AMN1: variants seen among roughly 807,000 people sequenced by gnomAD.
AMN1 encodes antagonist of mitotic exit network 1 homolog.
AMN1 carries 20 observed loss-of-function variants against 33.0 expected under a neutral mutation model. That is an observed-to-expected ratio of 0.61 (90% CI 0.43 to 0.88). The LOEUF (loss-of-function observed/expected upper bound fraction) is 0.88, where lower values mean the gene tolerates loss of function less well. Among genes scored for constraint, AMN1 ranks in the 40% least tolerant of loss-of-function variants. The pLI, the probability that AMN1 is intolerant of heterozygous loss-of-function variation, is 0.00. For missense variants in AMN1, 246 were observed against 307.4 expected, an observed-to-expected ratio of 0.80 and a Z score of 1.49; for synonymous variants, 114 against 111.9, an observed-to-expected ratio of 1.02 and a Z score of -0.12.
At position 31,701,965 on chromosome 12, in the gene AMN1, C is replaced by T. The variant is rs755338140; in HGVS notation, c.214G>A (p.Asp72Asn). The T allele has an allele frequency of 8.1e-6, 13 of 1,608,620 alleles. No individual in the cohort carries two copies. Among genetic ancestry groups the T allele is most frequent in the Admixed American group, 5.1e-5 (3 of 58,678 alleles). ...EVQTLDLRSC[D>N]ISDAALLHLS... ...TGCAGGAGAGCAGCATCTGATATAT[C>T]GCAGCTCCGTAGATCTAGAGTTTGG... Residue 72 changes from aspartate (D) to asparagine (N), a missense_variant, in exon 3 of 7, where the codon GAT becomes AAT. Transcript: ENST00000281471.
intron 1 of AMN1, among the ~76,000 whole-genome samples, chr12:31,718,020 G>A (rs1366905093): frequency 2.0e-5 from 3 of 152,112 alleles, no homozygotes; most frequent in East Asian, 3.9e-4. Context: ...GTTTTCCAAC[G>A]TGGTTCCATT....
chr12:31,677,829 AAAACCTAC>A (rs1937802373), intron 6 of AMN1, among the ~76,000 whole-genome samples: 1 of 152,216 alleles, frequency 6.6e-6, no homozygotes, highest in Non-Finnish European at 1.5e-5. Context: ...AGGAAGACAT[AAAACCTAC>A]AAATATTACT....
intron 6 of AMN1, among the ~76,000 whole-genome samples, chr12:31,680,612 T>C (rs1175108033): frequency 6.6e-6 from 1 of 152,212 alleles, no homozygotes; most frequent in South Asian, 2.1e-4. Flanking sequence ...TGTGAAGTTA[T>C]GTTTTATTCT....
At position 31,683,762 on chromosome 12, in the gene AMN1, C is replaced by G. The variant is rs964276426; in HGVS notation, c.703+5245G>C. On this transcript the variant is annotated intron_variant, in intron 6 of 6. Coordinates refer to ENST00000281471, the MANE Select transcript of AMN1 (RefSeq NM_001113402.2). The surrounding 1 kb of genome is among the most constrained non-coding windows in gnomAD (Gnocchi z 4.1). ...TCTTTTTCTTTATAAGTTACCCAGTCTTGGGTATGTCTGTATCAGCAGTGT... is the reference window on the plus strand; with the variant it reads ...TCTTTTTCTTTATAAGTTACCCAGTGTTGGGTATGTCTGTATCAGCAGTGT... Among the ~76,000 whole-genome samples, 7 of 152,132 alleles carry G rather than the reference C, an allele frequency of 4.6e-5. No homozygotes were observed. Among genetic ancestry groups the G allele is most frequent in the African/African-American group, 1.7e-4 (7 of 41,430 alleles).
chr12:31,715,584 C>T (rs1260471167), intron 1 of AMN1: 4 of 159,836 alleles, frequency 2.5e-5, no homozygotes. Context: ...TTCAAGGCCT[C>T]AGCTTCGCAG....
intron 1 of AMN1, among the ~76,000 whole-genome samples, chr12:31,717,207 C>T (rs535803901): frequency 5.3e-5 from 8 of 152,206 alleles, no homozygotes; most frequent in African/African-American, 1.9e-4. Flanking sequence ...GTTTGGTTTT[C>T]TGTTCCTGTG....
rs1013177256 is a variant in AMN1 at position 31,712,899 on chromosome 12, ACGCCTCGGCC to A, written c.39-3484_39-3475del. ...TCAAACTCCTGACCTCGTGATCCAC[ACGCCTCGGCC>A]TCCCAAAGTGTTGGGATTACAGGTG... On this transcript the variant is annotated intron_variant, in intron 1 of 6. Transcript: ENST00000281471. Among the ~76,000 whole-genome samples the A allele has an allele frequency of 8.4e-3, 1,274 of 151,716 alleles. 18 individuals carry two copies. The highest frequency in any genetic ancestry group is 0.029 in the African/African-American group (1,202 of 41,384).
In AMN1 at chr12:31,685,592, G is replaced by A. The variant is rs551212897; in HGVS notation, c.703+3415C>T. ...AAGGCGGGCAGATCACCTGAGGTCA[G>A]GAGTTCGACAACAGCCTGGCCAACA... is the stretch of plus-strand genomic sequence containing the variant. On this transcript the variant is annotated intron_variant, in intron 6 of 6. Coordinates refer to ENST00000281471, the MANE Select transcript of AMN1 (RefSeq NM_001113402.2). 2.6e-4 allele frequency among the ~76,000 whole-genome samples: 40 copies of A among 152,124 alleles called. 1 individual carries two copies. The South Asian group carries it at 8.3e-3, about 32-fold the overall frequency.
intron 1 of AMN1, among the ~76,000 whole-genome samples, chr12:31,716,172 C>CTA (rs1315414599): frequency 1.3e-5 from 2 of 152,184 alleles, no homozygotes; most frequent in African/African-American, 4.8e-5. Context: ...TTACATGTAG[C>CTA]TATAGATTAT....
intron 1 of AMN1, among the ~76,000 whole-genome samples, chr12:31,719,698 T>A (rs748095670): frequency 9.2e-5 from 14 of 152,166 alleles, no homozygotes; most frequent in Non-Finnish European, 1.6e-4. Context: ...TTTGGCCTTA[T>A]CTAGTAAAGC....
chr12:31,705,524 G>A (rs1402107682), intron 2 of AMN1, among the ~76,000 whole-genome samples: 5 of 151,816 alleles, frequency 3.3e-5, no homozygotes, highest in Admixed American at 1.3e-4. Context: ...AAAAACCACA[G>A]AAAAACATAT....
At chr12:31,703,523 T>G (rs1939096888) in intron 2 of AMN1, among the ~76,000 whole-genome samples, 2 of 152,188 alleles carry the variant, frequency 1.3e-5, no homozygotes, top group African/African-American at 4.8e-5. Context: ...AGCGATTGGC[T>G]CCCACTTATA....
At chr12:31,719,864 G>A (rs2139727666) in intron 1 of AMN1, among the ~76,000 whole-genome samples, 1 of 152,282 alleles carries the variant, frequency 6.6e-6, no homozygotes. Flanking sequence ...ACCATCCACA[G>A]TAAATAGAAT....
chr12:31,701,742 A>G (rs1269631478), intron 3 of AMN1, 121 bp downstream of exon 3: 1 of 848,792 alleles, frequency 1.2e-6, no homozygotes, highest in Non-Finnish European at 1.7e-6. Context: ...TTACTGATAA[A>G]TATAATTCAT....
chr12:31,672,377 T>A lies in AMN1; in HGVS notation c.704A>T (p.Asp235Val), dbSNP rs1487184211. Residue 235 changes from aspartate (D) to valine (V), a missense_variant and splice_region_variant, in exon 7 of 7, where the codon GAT becomes GTT. Coordinates refer to ENST00000281471, the MANE Select transcript of AMN1 (RefSeq NM_001113402.2). ...TTGCTCCAACACTTCTCGGGAATGA[T>A]CTATAAAAGAAAACAATGACAATAT... ...LLFHGCPLIT[D>V]HSREVLEQLV... 1.9e-6 allele frequency: 3 copies of A among 1,563,470 alleles called. No individual in the cohort carries two copies. Among genetic ancestry groups the A allele is most frequent in the Non-Finnish European group, 2.6e-6 (3 of 1,150,758 alleles).
At position 31,684,693 on chromosome 12, in the gene AMN1, G is replaced by A. The variant is rs368759528; in HGVS notation, c.703+4314C>T. On this transcript the variant is annotated intron_variant, in intron 6 of 6. Transcript: ENST00000281471. Reference sequence around the variant, plus strand: ...TCACCGTGTTAGCCAGGATGATCTCGATCTCCTGACCTTGTGATCCACCTG... The same window carrying A: ...TCACCGTGTTAGCCAGGATGATCTCAATCTCCTGACCTTGTGATCCACCTG... 1.8e-4 allele frequency among the ~76,000 whole-genome samples: 28 copies of A among 152,158 alleles called. 1 individual carries two copies. Among genetic ancestry groups the A allele is most frequent in the South Asian group, 2.1e-4 (1 of 4,820 alleles).
intron 5 of AMN1, among the ~76,000 whole-genome samples, chr12:31,693,935 T>C (rs923819293): frequency 1.1e-4 from 17 of 152,140 alleles, no homozygotes. Context: ...CCTCCCAAAG[T>C]GCTGAAATTA....
intron 1 of AMN1, among the ~76,000 whole-genome samples, chr12:31,710,934 G>C (rs56131645): frequency 6.6e-6 from 1 of 152,078 alleles, no homozygotes; most frequent in Non-Finnish European, 1.5e-5. Context: ...TTTTGAGACA[G>C]AGTCTCACTC....
At position 31,700,435 on chromosome 12, in the gene AMN1, G is replaced by A. The variant is rs569766068; in HGVS notation, c.316+1428C>T. ...AAAGAGGTCTATAGAGAGGAAAAAA[G>A]GTAAAGATTCACTAACTCATGTAAT... On this transcript the variant is annotated intron_variant, in intron 3 of 6. Coordinates refer to ENST00000281471, the MANE Select transcript of AMN1 (RefSeq NM_001113402.2). Among the ~76,000 whole-genome samples, 207 of 152,084 alleles carry A rather than the reference G, an allele frequency of 1.4e-3. 1 individual carries two copies. The highest frequency in any genetic ancestry group is 4.4e-3 in the African/African-American group (182 of 41,500).
Sources: gnomAD v4.1 joint callset for allele counts (sites outside exome capture counted in the v4.1 genomes callset) on GRCh38, gnomAD v4.1.1 for gene constraint, Gnocchi (gnomAD v3.1) non-coding constraint, MANE v1.5 for transcripts, NCBI Gene and HGNC (gene_info 2026-07-23, HGNC 2026-07-21) for gene names.